Variants in WWOX observed in about 807,000 individuals in gnomAD.
WWOX encodes the protein WW domain containing oxidoreductase.
WWOX carries 69 observed loss-of-function variants against 46.2 expected under a neutral mutation model. That is an observed-to-expected ratio of 1.49 (90% CI 1.23 to 1.82). The LOEUF is 1.82. Among genes scored for constraint, WWOX ranks in the 40% most tolerant of loss-of-function variants. The probability of loss-of-function intolerance (pLI) is 0.00; values close to 1 mark genes in which losing one functional copy is unlikely to be tolerated. For missense variants in WWOX, 919 were observed against 542.6 expected, an observed-to-expected ratio of 1.69 and a Z score of -6.89; for synonymous variants, 359 against 202.6, an observed-to-expected ratio of 1.77 and a Z score of -6.56.
chr16:78,426,534 G>A (rs1287342277), intron 7 of WWOX, among the ~76,000 whole-genome samples: 3 of 152,150 alleles, frequency 2.0e-5, no homozygotes, highest in Admixed American at 2.0e-4. Flanking sequence ...GAAGGGACTT[G>A]GGCTCTTGAA....
intron 5 of WWOX, among the ~76,000 whole-genome samples, chr16:78,228,596 C>T (rs983467116): frequency 4.6e-5 from 7 of 152,218 alleles, no homozygotes; most frequent in Non-Finnish European, 8.8e-5. Context: ...CCCACCTTGG[C>T]CTCCCAAAGT....
chr16:78,213,734 T>C (rs2036631945), intron 5 of WWOX, among the ~76,000 whole-genome samples: 1 of 151,986 alleles, frequency 6.6e-6, no homozygotes. Context: ...ACCAGGGAGA[T>C]GTAATTGCAA....
chr16:78,251,221 TTTG>T (rs1481588437), intron 5 of WWOX, among the ~76,000 whole-genome samples: 2 of 152,152 alleles, frequency 1.3e-5, no homozygotes, highest in African/African-American at 2.4e-5. Context: ...GAAGCCTACT[TTTG>T]TTTTTTACCC....
chr16:79,041,881 G>A (rs1013832841), intron 8 of WWOX, among the ~76,000 whole-genome samples: 12 of 151,798 alleles, frequency 7.9e-5, no homozygotes, highest in African/African-American at 2.7e-4. Context: ...TTTCTCACAC[G>A]TGTTTAGAGA....
At chr16:78,366,524 C>G (rs2081539570) in intron 5 of WWOX, among the ~76,000 whole-genome samples, 1 of 152,196 alleles carries the variant, frequency 6.6e-6, no homozygotes, top group Admixed American at 6.5e-5. Context: ...CTTCAGGGGA[C>G]TACACTCTTA....
chr16:78,703,577 C>A (rs547784198), intron 8 of WWOX, among the ~76,000 whole-genome samples: 36 of 152,172 alleles, frequency 2.4e-4, no homozygotes, highest in African/African-American at 7.9e-4. Context: ...CCTGGTCTCA[C>A]CACTACACTT....
chr16:78,711,622 T>TA (rs1306292186), intron 8 of WWOX, among the ~76,000 whole-genome samples: 2 of 152,154 alleles, frequency 1.3e-5, no homozygotes, highest in Admixed American at 1.3e-4. Context: ...ATAGTGCCAT[T>TA]CCTATATAAC....
intron 8 of WWOX, among the ~76,000 whole-genome samples, chr16:78,629,517 C>T (rs2046380291): frequency 6.6e-6 from 1 of 152,188 alleles, no homozygotes; most frequent in Non-Finnish European, 1.5e-5. Flanking sequence ...TGCTTAATCC[C>T]TTCACTGGCT....
chr16:78,647,424 C>T (rs978251513), intron 8 of WWOX, among the ~76,000 whole-genome samples: 17 of 152,122 alleles, frequency 1.1e-4, no homozygotes, highest in African/African-American at 3.1e-4. Flanking sequence ...TATCATTACA[C>T]AGATTAGCAC....
At chr16:78,873,954 C>T (rs549208950) in intron 8 of WWOX, among the ~76,000 whole-genome samples, 3 of 151,980 alleles carry the variant, frequency 2.0e-5, no homozygotes, top group African/African-American at 4.8e-5. Flanking sequence ...TAACTACCCA[C>T]AGTAATCAAG....
At chr16:78,556,455 G>A (rs946869231) in intron 8 of WWOX, among the ~76,000 whole-genome samples, 16 of 152,098 alleles carry the variant, frequency 1.1e-4, no homozygotes, top group Admixed American at 2.0e-4. Context: ...GTATGATGGA[G>A]CACCCTGTTC....
intron 8 of WWOX, among the ~76,000 whole-genome samples, chr16:78,988,374 G>C (rs889235138): frequency 6.7e-6 from 1 of 149,202 alleles, no homozygotes; most frequent in Non-Finnish European, 1.5e-5. Flanking sequence ...AAAAAAGAAA[G>C]AAAATTAATT....
intron 8 of WWOX, among the ~76,000 whole-genome samples, chr16:78,830,459 C>G (rs2051788580): frequency 6.6e-6 from 1 of 152,026 alleles, no homozygotes; most frequent in Non-Finnish European, 1.5e-5. Context: ...TAGTACCTAT[C>G]TGACTATTTT....
intron 8 of WWOX, among the ~76,000 whole-genome samples, chr16:79,168,605 A>C (rs543788067): frequency 1.3e-5 from 2 of 151,786 alleles, no homozygotes; most frequent in Admixed American, 1.3e-4. Context: ...ATGTGGAGGG[A>C]GGCAAGAGAG....
At chr16:78,548,921 C>G (rs1044240406) in intron 8 of WWOX, among the ~76,000 whole-genome samples, 1 of 152,190 alleles carries the variant, frequency 6.6e-6, no homozygotes, top group Non-Finnish European at 1.5e-5. Flanking sequence ...AGGTTTCTAT[C>G]TTAACTGCCA....
chr16:79,195,002 G>A (rs1466004324), intron 8 of WWOX, among the ~76,000 whole-genome samples: 1 of 152,130 alleles, frequency 6.6e-6, no homozygotes, highest in African/African-American at 2.4e-5. Context: ...GCTGTCTTCT[G>A]CTGAGTATGG....
intron 6 of WWOX, among the ~76,000 whole-genome samples, chr16:78,403,666 C>T (rs1448138824): frequency 2.6e-5 from 4 of 152,190 alleles, no homozygotes; most frequent in African/African-American, 9.7e-5. Flanking sequence ...CCCCCCTGTG[C>T]CAGGCCCTGG....
intron 8 of WWOX, among the ~76,000 whole-genome samples, chr16:78,616,663 G>T (rs963490934): frequency 6.6e-6 from 1 of 152,100 alleles, no homozygotes; most frequent in Non-Finnish European, 1.5e-5. Flanking sequence ...CAGCCACTTG[G>T]AAGGGTGAGG....
chr16:78,903,578 C>T (rs1254828319), intron 8 of WWOX, among the ~76,000 whole-genome samples: 3 of 152,178 alleles, frequency 2.0e-5, no homozygotes, highest in Non-Finnish European at 4.4e-5. Flanking sequence ...CCTTTTGTTA[C>T]TTAGGCGTGG....
Sources: gnomAD v4.1 joint callset for allele counts (sites outside exome capture counted in the v4.1 genomes callset) on GRCh38, gnomAD v4.1.1 for gene constraint, MANE v1.5 for transcripts, NCBI Gene and HGNC (gene_info 2026-07-23, HGNC 2026-07-21) for gene names.